The following EIF4EBP1 variants were observed in gnomAD, a reference collection of about 807,000 sequenced individuals.
EIF4EBP1 encodes eukaryotic translation initiation factor 4E binding protein 1, also known as eukaryotic translation initiation factor 4E-binding protein 1.
EIF4EBP1 carries 5 observed loss-of-function variants against 9.2 expected under a neutral mutation model. The ratio of observed to expected loss-of-function variants is 0.54; its 90% CI spans 0.28 to 1.14. The LOEUF (loss-of-function observed/expected upper bound fraction) is 1.14. Ranked by LOEUF, EIF4EBP1 falls within the 50% of genes most tolerant of loss-of-function variation. EIF4EBP1 has a pLI of 0.09. For synonymous variants in EIF4EBP1, 62 were observed against 67.0 expected (o/e 0.93, Z 0.36); for missense variants, 139 against 169.6 (o/e 0.82, Z 1.00).
chr8:38,051,464 C>T (rs1287385271), intron 1 of EIF4EBP1, among the ~76,000 whole-genome samples: 1 of 152,132 alleles, frequency 6.6e-6, no homozygotes, highest in African/African-American at 2.4e-5. Flanking sequence ...CACTTTGATC[C>T]TCAAAAGTAC....
rs572585412 is a variant in EIF4EBP1, at chr8:38,059,841, A to G, written c.326-63A>G. The G allele has an allele frequency of 1.4e-4, 194 of 1,383,074 alleles. 4 individuals are homozygous for G. The South Asian group carries it at 2.3e-3, about 16-fold the overall frequency. 85.7% of individuals were successfully genotyped at this position (1,383,074 alleles called of 1,614,324 possible). A position where few individuals can be genotyped will look rare whatever the true frequency, so the allele number is the denominator to read the frequency against. Reference sequence around the variant, plus strand: ...GGTATTTCTTTATAGCAATGAAAGAATGGCCTCATATACCAAGCATTCACC... The same window carrying G: ...GGTATTTCTTTATAGCAATGAAAGAGTGGCCTCATATACCAAGCATTCACC... On this transcript the variant is annotated intron_variant, in intron 2 of 2. Transcript: ENST00000338825.
intron 1 of EIF4EBP1, among the ~76,000 whole-genome samples, chr8:38,034,802 G>A (rs1463405819): frequency 6.6e-6 from 1 of 152,242 alleles, no homozygotes; most frequent in Non-Finnish European, 1.5e-5. Context: ...AGAAGGGGAT[G>A]TAGGCTGGGC....
intron 1 of EIF4EBP1, among the ~76,000 whole-genome samples, chr8:38,031,434 G>A (rs1293826580): frequency 1.3e-5 from 2 of 152,136 alleles, no homozygotes; most frequent in East Asian, 3.9e-4. Flanking sequence ...GGCCAGCCTC[G>A]GGCTGCCCTC....
intron 1 of EIF4EBP1, among the ~76,000 whole-genome samples, chr8:38,049,836 TG>T (rs1232809089): frequency 6.6e-6 from 1 of 152,146 alleles, no homozygotes; most frequent in Non-Finnish European, 1.5e-5. Flanking sequence ...TTTCTCCTTC[TG>T]GACTTCCTGC....
In EIF4EBP1 at chr8:38,057,232, C is replaced by A; in HGVS notation, c.297C>A (p.Arg99=). The A allele has an allele frequency of 6.2e-7, 1 of 1,613,602 alleles. No individual in the cohort carries two copies. Among genetic ancestry groups the A allele is most frequent in the Non-Finnish European group, 8.5e-7 (1 of 1,179,646 alleles). ...PPMEASQSHL[R]NSPEDKRAGG... ...TGGAAGCCAGCCAGAGCCACCTGCG[C>A]AATAGCCCAGAAGATAAGCGGGCGG... The change falls in exon 2 of 3, where the codon CGC becomes CGA. Residue 99 remains arginine, a synonymous_variant. Transcript: ENST00000338825.
chr8:38,050,651 C>T (rs1479165794), intron 1 of EIF4EBP1, among the ~76,000 whole-genome samples: 2 of 152,092 alleles, frequency 1.3e-5, no homozygotes, highest in East Asian at 1.9e-4. Flanking sequence ...CTCGCTCTTT[C>T]GCTCAGGCTA....
At chr8:38,033,426 C>T (rs1809253687) in intron 1 of EIF4EBP1, among the ~76,000 whole-genome samples, 1 of 151,436 alleles carries the variant, frequency 6.6e-6, no homozygotes, top group Non-Finnish European at 1.5e-5. Flanking sequence ...ACTCTGAGTA[C>T]TCAGGAATTA....
rs112662127 is a variant in EIF4EBP1 at position 38,046,521 on chromosome 8, G to C, written c.146-10560G>C. On this transcript the variant is annotated intron_variant, in intron 1 of 2. Coordinates refer to ENST00000338825, the MANE Select transcript of EIF4EBP1 (RefSeq NM_004095.4). ...CTTACCTGTCCTCTGATTTATCCCT[G>C]CTTTGACTGATAATTGGTTGCTGGT... 4.3e-3 allele frequency among the ~76,000 whole-genome samples: 662 copies of C among 152,194 alleles called. 9 individuals are homozygous for C. The highest frequency in any genetic ancestry group is 0.015 in the African/African-American group (619 of 41,522).
At chr8:38,037,648 C>T (rs1417452989) in intron 1 of EIF4EBP1, among the ~76,000 whole-genome samples, 1 of 152,062 alleles carries the variant, frequency 6.6e-6, no homozygotes, top group Admixed American at 6.6e-5. Context: ...AGGCCTGAGT[C>T]TCCGCTGGCT....
Position 38,036,771 on chromosome 8 carries a change from C to T in EIF4EBP1, c.145+6053C>T, listed in dbSNP as rs930284692. ...TCAAGCAATCCTCCCATCTCAGCCT[C>T]CCAAGTAGCTGGGACTACAGGCATG... On this transcript the variant is annotated intron_variant, in intron 1 of 2. Transcript: ENST00000338825. Among the ~76,000 whole-genome samples the T allele has an allele frequency of 3.9e-5, 6 of 152,030 alleles. No homozygotes were observed. The South Asian group carries it at 1.2e-3, about 32-fold the overall frequency.
chr8:38,059,810 A>G (rs760894195), intron 2 of EIF4EBP1, 94 bp from the exon 3 acceptor site: 3 of 1,154,628 alleles, frequency 2.6e-6, no homozygotes, highest in Non-Finnish European at 3.8e-6. Context: ...AAATTACCCA[A>G]CCTCAGGTAT....
intron 1 of EIF4EBP1, among the ~76,000 whole-genome samples, chr8:38,053,734 A>G (rs993000170): frequency 2.0e-5 from 3 of 152,204 alleles, no homozygotes; most frequent in Non-Finnish European, 4.4e-5. Context: ...CAGGAAGGAA[A>G]TCCTATCACA....
Position 38,030,684 on chromosome 8 carries a change from C to G in EIF4EBP1, c.111C>G (p.Thr37=). 1 of 1,481,388 alleles carries G rather than the reference C, an allele frequency of 6.8e-7. No homozygotes were observed. Among genetic ancestry groups the G allele is most frequent in the African/African-American group, 1.5e-5 (1 of 68,630 alleles). 91.8% of individuals were successfully genotyped at this position (1,481,388 alleles called of 1,614,324 possible). Residue 37 remains threonine (T), a synonymous_variant, in exon 1 of 3, where the codon ACC becomes ACG. Coordinates refer to ENST00000338825, the MANE Select transcript of EIF4EBP1 (RefSeq NM_004095.4). ...TCCCGCCCGGGGACTACAGCACGAC[C>G]CCCGGCGGCACGCTCTTCAGCACCA... ...VQLPPGDYST[T]PGGTLFSTTP...
At chr8:38,038,843 C>T (rs1042438105) in intron 1 of EIF4EBP1, among the ~76,000 whole-genome samples, 1 of 151,986 alleles carries the variant, frequency 6.6e-6, no homozygotes, top group Admixed American at 6.6e-5. Flanking sequence ...AGGCCACATG[C>T]ACTCTGGACA....
chr8:38,053,878 C>A (rs1809557134), intron 1 of EIF4EBP1, among the ~76,000 whole-genome samples: 1 of 152,108 alleles, frequency 6.6e-6, no homozygotes, highest in Non-Finnish European at 1.5e-5. Flanking sequence ...AAGTAGAACC[C>A]TGCTTGCCAG....
At position 38,030,640 on chromosome 8, in the gene EIF4EBP1, C is replaced by A; in HGVS notation, c.67C>A (p.Leu23Ile). Residue 23 changes from leucine (L) to isoleucine (I), a missense_variant, in exon 1 of 3, where the codon CTC becomes ATC. Transcript: ENST00000338825. Reference protein sequence around the residue: ...RAIPATRRVVLGDGVQLPPGD... With the variant: ...RAIPATRRVVIGDGVQLPPGD... ...CATCCCCGCCACTCGCCGGGTGGTG[C>A]TCGGCGACGGCGTGCAGCTCCCGCC... 6.6e-7 allele frequency: 1 copy of A among 1,512,046 alleles called. No individual in the cohort carries two copies. The highest frequency in any genetic ancestry group is 8.8e-7 in the Non-Finnish European group (1 of 1,137,050). 93.7% of individuals were successfully genotyped at this position (1,512,046 alleles called of 1,614,324 possible). A position where few individuals can be genotyped will look rare whatever the true frequency, so the allele number is the denominator to read the frequency against.
intron 1 of EIF4EBP1, among the ~76,000 whole-genome samples, chr8:38,043,853 C>G (rs760384649): frequency 5.9e-5 from 9 of 152,126 alleles, no homozygotes; most frequent in Non-Finnish European, 1.3e-4. Context: ...CTCTGCATCT[C>G]TCACCAGGAT....
chr8:38,046,911 C>G (rs1809455201), intron 1 of EIF4EBP1, among the ~76,000 whole-genome samples: 1 of 152,204 alleles, frequency 6.6e-6, no homozygotes, highest in African/African-American at 2.4e-5. Flanking sequence ...CCCAGCTACA[C>G]AAATGGTTTG....
At chr8:38,036,097 C>T (rs1361374566) in intron 1 of EIF4EBP1, among the ~76,000 whole-genome samples, 1 of 152,136 alleles carries the variant, frequency 6.6e-6, no homozygotes, top group Non-Finnish European at 1.5e-5. Flanking sequence ...CATCCGCCTC[C>T]TGAGTTCAAG....
Sources: allele counts gnomAD v4.1 joint callset (sites outside exome capture counted in the v4.1 genomes callset), GRCh38; gene constraint gnomAD v4.1.1; transcripts MANE v1.5; gene names NCBI Gene and HGNC (gene_info 2026-07-23, HGNC 2026-07-21).